The following MSTO1 variants were observed in gnomAD, a reference collection of about 807,000 sequenced individuals.
The protein encoded by MSTO1 is misato mitochondrial distribution and morphology regulator 1.
MSTO1 carries 24 observed loss-of-function variants against 55.7 expected under a neutral mutation model. That is an observed-to-expected ratio of 0.43 (90% confidence interval 0.31 to 0.61). MSTO1 has a LOEUF of 0.61. Among genes scored for constraint, MSTO1 ranks in the 20% least tolerant of loss-of-function variants. The pLI is 0.09. For missense variants in MSTO1, 363 were observed against 625.7 expected (o/e 0.58, Z 4.48); for synonymous variants, 162 against 252.8 (o/e 0.64, Z 3.41).
the MSTO1 span, among the ~76,000 whole-genome samples, chr1:155,600,137 A>T: frequency 1.3e-5 from 2 of 152,154 alleles, no homozygotes; most frequent in Admixed American, 6.5e-5. Flanking sequence ...ACGAGGCCAT[A>T]TTTCAGACTA....
chr1:155,598,826 G>A, the MSTO1 span: 1 of 1,336,896 alleles, frequency 7.5e-7, no homozygotes, highest in Non-Finnish European at 1.1e-6. Flanking sequence ...ATTTTAGATG[G>A]AGAGAAGGGA....
At chr1:155,570,296 G>A in the MSTO1 span, among the ~76,000 whole-genome samples, 25 of 152,224 alleles carry the variant, frequency 1.6e-4, no homozygotes, top group African/African-American at 5.8e-4. Context: ...CCCTTCCATA[G>A]TAGTTTAAGT....
At chr1:155,580,907 CA>C in the MSTO1 span, among the ~76,000 whole-genome samples, 998 of 91,404 alleles carry the variant, frequency 0.011, 12 homozygotes, top group East Asian at 0.086. Flanking sequence ...GACTCTGTCT[CA>C]AAAAAAAAAA....
chr1:155,609,915 A>T (rs892643771), upstream of MSTO1: 8 of 353,024 alleles, frequency 2.3e-5, no homozygotes, highest in African/African-American at 4.3e-5. Flanking sequence ...ATAAGACCTC[A>T]AGACAAGTAG....
At chr1:155,594,331 A>G in the MSTO1 span, among the ~76,000 whole-genome samples, 8,949 of 151,402 alleles carry the variant, frequency 0.059, 887 homozygotes, top group African/African-American at 0.21. Context: ...AACCTGGGAG[A>G]GGGAGGTTGC....
chr1:155,596,849 T>G, the MSTO1 span, among the ~76,000 whole-genome samples: 1 of 151,914 alleles, frequency 6.6e-6, no homozygotes, highest in East Asian at 1.9e-4. Context: ...ATGCCTGCAA[T>G]CCCAACACTT....
chr1:155,578,459 C>T, the MSTO1 span, among the ~76,000 whole-genome samples: 1 of 146,320 alleles, frequency 6.8e-6, no homozygotes. Context: ...GTGCCTCAGC[C>T]TCCCAAGTAG....
the MSTO1 span, chr1:155,590,984 C>T: frequency 8.7e-6 from 14 of 1,613,806 alleles, no homozygotes; most frequent in South Asian, 3.3e-5. Context: ...ACCAGCAAGC[C>T]GAACAGGGCC....
the MSTO1 span, among the ~76,000 whole-genome samples, chr1:155,568,985 G>C: frequency 6.6e-6 from 1 of 151,946 alleles, no homozygotes; most frequent in East Asian, 1.9e-4. Context: ...CTCCTGAGTA[G>C]CTGAGATTCC....
the MSTO1 span, among the ~76,000 whole-genome samples, chr1:155,577,925 C>T: frequency 6.6e-6 from 1 of 152,016 alleles, no homozygotes; most frequent in Non-Finnish European, 1.5e-5. Context: ...TTGTATTTTT[C>T]GTAGAGACGG....
the MSTO1 span, among the ~76,000 whole-genome samples, chr1:155,566,762 T>C: frequency 2.6e-5 from 4 of 152,018 alleles, no homozygotes; most frequent in African/African-American, 9.6e-5. Context: ...ATTACAAGCA[T>C]GTGCCACCAC....
the MSTO1 span, among the ~76,000 whole-genome samples, chr1:155,582,400 A>G: frequency 6.6e-6 from 1 of 152,212 alleles, no homozygotes; most frequent in Non-Finnish European, 1.5e-5. Context: ...TAGAATAAGC[A>G]AACATTCCTC....
At chr1:155,606,198 C>CG (rs1672931661), upstream of MSTO1, among the ~76,000 whole-genome samples, 1 of 28,090 alleles carries the variant, frequency 3.6e-5, no homozygotes, top group Non-Finnish European at 7.1e-5. Flanking sequence ...CATGCCCAGC[C>CG]TTTTTTTTTT....
the MSTO1 span, chr1:155,602,134 T>C: frequency 2.8e-6 from 2 of 712,308 alleles, no homozygotes; most frequent in Non-Finnish European, 5.3e-6. Flanking sequence ...AACAGCGCTT[T>C]GATCAACCTT....
the MSTO1 span, among the ~76,000 whole-genome samples, chr1:155,584,582 G>A: frequency 7.5e-6 from 1 of 133,798 alleles, no homozygotes; most frequent in African/African-American, 2.8e-5. Flanking sequence ...GAGGCAGGAG[G>A]ATCACATGAG....
chr1:155,584,691 A>AAAAAAAAAAAAAAAAAAAAG, the MSTO1 span, among the ~76,000 whole-genome samples: 145 of 75,576 alleles, frequency 1.9e-3, 1 homozygote, highest in East Asian at 3.0e-3. Flanking sequence ...AAAAAAAAAA[A>AAAAAAAAAAAAAAAAAAAAG]AAAGAAAGAA....
At chr1:155,609,685 A>G (rs577075394), upstream of MSTO1, 1 of 154,172 alleles carries the variant, frequency 6.5e-6, no homozygotes, top group East Asian at 1.9e-4. Context: ...ACAGATACAT[A>G]CTCTCTTTAC....
upstream of MSTO1, among the ~76,000 whole-genome samples, chr1:155,606,227 T>G (rs1295050855): frequency 7.1e-6 from 1 of 140,024 alleles, no homozygotes; most frequent in African/African-American, 2.8e-5. Context: ...TTTTTTTTTT[T>G]TTTGTATTTT....
chr1:155,578,936 T>G, the MSTO1 span, among the ~76,000 whole-genome samples: 4 of 151,176 alleles, frequency 2.6e-5, no homozygotes, highest in East Asian at 2.0e-4. Context: ...GTGCTGGGAT[T>G]ACAGGTGTGA....
Sources: allele counts gnomAD v4.1 joint callset (sites outside exome capture counted in the v4.1 genomes callset), GRCh38; gene constraint gnomAD v4.1.1; transcripts MANE v1.5; gene names NCBI Gene and HGNC (gene_info 2026-07-23, HGNC 2026-07-21).